Variants in CTNNA2 observed in about 807,000 individuals in gnomAD.
CTNNA2 encodes the protein catenin alpha 2.
Under a neutral mutation model 101.0 loss-of-function variants are expected in CTNNA2, and 42 were observed. The ratio of observed to expected loss-of-function variants is 0.42; its 90% CI spans 0.32 to 0.54. The LOEUF (loss-of-function observed/expected upper bound fraction) is 0.54. Ranked by LOEUF, CTNNA2 falls within the 20% of genes least tolerant of loss-of-function variation. CTNNA2 has a pLI of 0.14. For missense variants in CTNNA2, 871 were observed against 1,223.1 expected (o/e 0.71, Z 4.29); for synonymous variants, 450 against 456.4 (o/e 0.99, Z 0.18).
chr2:79,436,666 C>G (rs1489974879), intron 4 of CTNNA2, among the ~76,000 whole-genome samples: 1 of 151,132 alleles, frequency 6.6e-6, no homozygotes, highest in African/African-American at 2.4e-5. Flanking sequence ...GAGTCTTGCT[C>G]TCTCACCCAG....
chr2:79,410,816 A>G (rs998574710), intron 4 of CTNNA2, among the ~76,000 whole-genome samples: 2 of 151,492 alleles, frequency 1.3e-5, no homozygotes, highest in Non-Finnish European at 2.9e-5. Flanking sequence ...TGGCCTCATA[A>G]AATGAGTTAG....
chr2:79,461,465 G>A (rs1670878391), intron 4 of CTNNA2, among the ~76,000 whole-genome samples: 1 of 152,120 alleles, frequency 6.6e-6, no homozygotes, highest in Admixed American at 6.5e-5. Context: ...TGCATAGCAC[G>A]AGGATTTTCA....
chr2:79,400,920 A>G lies in CTNNA2; in HGVS notation c.-135+26907A>G, dbSNP rs1678283419. ...GAAAAGCAAGTCATCATGTGTAATC[A>G]GTACTCAGTGAGATTAACAAAAGAC... On this transcript the variant is annotated intron_variant, in intron 4 of 21. Coordinates refer to the CTNNA2 transcript ENST00000466387. Among the ~76,000 whole-genome samples, 6 of 152,018 alleles carry G rather than the reference A, an allele frequency of 3.9e-5. No homozygotes were observed. In the South Asian group the frequency reaches 1.2e-3, roughly 31 times the overall value.
In CTNNA2 at chr2:79,196,902, A is replaced by G. The variant is rs376012169; in HGVS notation, c.-523-1057A>G. ...GCATGCTTCTTTATCTCTTCTCAGCATCTCTCATGGTTCTGATTTATATTT... is the reference window on the plus strand; with the variant it reads ...GCATGCTTCTTTATCTCTTCTCAGCGTCTCTCATGGTTCTGATTTATATTT... On this transcript the variant is annotated intron_variant, in intron 1 of 21. Coordinates refer to the CTNNA2 transcript ENST00000466387. 4.4e-4 allele frequency among the ~76,000 whole-genome samples: 67 copies of G among 152,286 alleles called. 1 individual carries two copies. In the East Asian group the frequency reaches 4.6e-3, roughly 11 times the overall value.
chr2:80,541,490 TAG>T (rs1423642544), intron 9 of CTNNA2, among the ~76,000 whole-genome samples: 1 of 152,136 alleles, frequency 6.6e-6, no homozygotes, highest in African/African-American at 2.4e-5. Flanking sequence ...TAAGGAATAA[TAG>T]AGTTTAATTT....
At chr2:79,433,563 G>T (rs958175471) in intron 4 of CTNNA2, among the ~76,000 whole-genome samples, 10 of 143,378 alleles carry the variant, frequency 7.0e-5, no homozygotes, top group African/African-American at 2.6e-4. Context: ...CTTGTGGCTT[G>T]TTCCAATCCT....
rs142043919 is a variant in CTNNA2, at chr2:80,357,175, A to C, written c.1057-36036A>C. ...GTCCATGGTACCTGTTCATCACCAC[A>C]GATCCCTGAAGGCTTACCTTTTAGT... On this transcript the variant is annotated intron_variant, in intron 7 of 18. Transcript: ENST00000402739. 2.2e-3 allele frequency among the ~76,000 whole-genome samples: 321 copies of C among 148,070 alleles called. 1 individual carries two copies. The highest frequency in any genetic ancestry group is 8.4e-3 in the African/African-American group (315 of 37,716).
chr2:79,392,424 A>G (rs1260611553), intron 4 of CTNNA2, among the ~76,000 whole-genome samples: 1 of 152,198 alleles, frequency 6.6e-6, no homozygotes, highest in Admixed American at 6.5e-5. Context: ...AAAAGGATCA[A>G]TGTTTTCTCT....
chr2:80,527,039 A>G (rs1690103966), intron 9 of CTNNA2, among the ~76,000 whole-genome samples: 1 of 152,234 alleles, frequency 6.6e-6, no homozygotes, highest in African/African-American at 2.4e-5. Flanking sequence ...ACTATGACAC[A>G]GTTGATGGCA....
chr2:80,621,761 T>TAA (rs3836006), intron 18 of CTNNA2, among the ~76,000 whole-genome samples: 3 of 151,708 alleles, frequency 2.0e-5, no homozygotes, highest in South Asian at 4.1e-4. Context: ...CTATGGGGGA[T>TAA]AAAAAAGTGT....
At chr2:79,847,348 G>A (rs1251445211) in intron 3 of CTNNA2, among the ~76,000 whole-genome samples, 1 of 151,842 alleles carries the variant, frequency 6.6e-6, no homozygotes, top group African/African-American at 2.4e-5. Flanking sequence ...TTCGAGACCA[G>A]CTTGATCTAT....
In CTNNA2 at chr2:80,302,866, G is replaced by A. The variant is rs1340115615; in HGVS notation, c.1057-90345G>A. The stretch of plus-strand genomic sequence containing the variant: ...AGGCTAGGGCACACACGTTGCGCCC[G>A]CAATCCCACAGGTTCCCGGCCAGGG... On this transcript the variant is annotated intron_variant, in intron 7 of 18. Transcript: ENST00000402739. This position sits in a 1 kb window ranked among gnomAD's most constrained non-coding sequence, Gnocchi z 6.4. 4.3e-6 allele frequency: 7 copies of A among 1,614,134 alleles called. No homozygotes were observed. The highest frequency in any genetic ancestry group is 5.9e-6 in the Non-Finnish European group (7 of 1,180,034).
chr2:79,666,228 A>G (rs530581086), intron 2 of CTNNA2, among the ~76,000 whole-genome samples: 1 of 152,338 alleles, frequency 6.6e-6, no homozygotes, highest in East Asian at 1.9e-4. Flanking sequence ...CTGTAATTTA[A>G]TAAAGTTTCA....
chr2:80,587,769 G>T (rs1050975176), intron 14 of CTNNA2, among the ~76,000 whole-genome samples: 3 of 152,088 alleles, frequency 2.0e-5, no homozygotes, highest in Non-Finnish European at 4.4e-5. Context: ...TACCCTCTTG[G>T]TCTGTCTTAT....
intron 7 of CTNNA2, among the ~76,000 whole-genome samples, chr2:80,330,047 G>A (rs72930812): frequency 0.013 from 2,001 of 152,324 alleles, 40 homozygotes; most frequent in African/African-American, 0.044. Flanking sequence ...AACTCCTTGA[G>A]TCTGGTCCCT....
chr2:80,646,683 G>T (rs376704441), intron 18 of CTNNA2, among the ~76,000 whole-genome samples: 2 of 151,870 alleles, frequency 1.3e-5, no homozygotes, highest in Admixed American at 6.6e-5. Context: ...ACTACTTAAA[G>T]ACAGAAAAAA....
chr2:80,111,740 A>G (rs1026308445), intron 7 of CTNNA2, among the ~76,000 whole-genome samples: 4 of 152,070 alleles, frequency 2.6e-5, no homozygotes, highest in Admixed American at 1.3e-4. Flanking sequence ...TGGGGTCACA[A>G]TATGTTGCCC....
At chr2:80,403,095 T>A (rs1222231653) in intron 8 of CTNNA2, among the ~76,000 whole-genome samples, 1 of 152,164 alleles carries the variant, frequency 6.6e-6, no homozygotes, top group African/African-American at 2.4e-5. Context: ...AAAACATCAA[T>A]GTTGTAAATA....
rs560880124 is a variant in CTNNA2 at position 79,675,378 on chromosome 2, G to A, written c.102+23720G>A. On this transcript the variant is annotated intron_variant, in intron 2 of 18. Transcript: ENST00000402739. ...TTAATAGACTTAGGATTCTGGTAAA[G>A]AGGGTAGAGAAGGCATTTAGGTAAA... is the stretch of plus-strand genomic sequence containing the variant. Among the ~76,000 whole-genome samples the A allele has an allele frequency of 9.8e-5, 15 of 152,298 alleles. No individual in the cohort carries two copies. In the East Asian group the frequency reaches 2.7e-3, roughly 27 times the overall value.
Sources: gnomAD v4.1 joint callset for allele counts (sites outside exome capture counted in the v4.1 genomes callset) on GRCh38, gnomAD v4.1.1 for gene constraint, Gnocchi (gnomAD v3.1) non-coding constraint, MANE v1.5 for transcripts, NCBI Gene and HGNC (gene_info 2026-07-23, HGNC 2026-07-21) for gene names.